The following PCSK5 variants were observed in gnomAD, a reference collection of about 807,000 sequenced individuals.
PCSK5 encodes proprotein convertase subtilisin/kexin type 5, also known as prohormone convertase 5.
In PCSK5, 129 loss-of-function variants were observed where a neutral mutation model predicts 233.2. That is an observed-to-expected ratio of 0.55 (90% confidence interval 0.48 to 0.64). The LOEUF is 0.64. PCSK5 is among the 30% of genes least tolerant of loss of function. PCSK5 has a pLI of 0.00. For synonymous variants in PCSK5, 825 were observed against 879.2 expected (o/e 0.94, Z 1.09); for missense variants, 2,076 against 2,430.1 (o/e 0.85, Z 3.06).
At chr9:76,192,665 T>TTAAAC (rs1456004461) in intron 20 of PCSK5, among the ~76,000 whole-genome samples, 6 of 152,078 alleles carry the variant, frequency 3.9e-5, no homozygotes, top group African/African-American at 1.4e-4. Flanking sequence ...GGTTTGAAAA[T>TTAAAC]TAAACTATTG....
At chr9:76,022,062 C>T (rs756018847) in intron 3 of PCSK5, among the ~76,000 whole-genome samples, 2 of 152,174 alleles carry the variant, frequency 1.3e-5, no homozygotes, top group Admixed American at 6.5e-5. Context: ...TCACATTTCA[C>T]GTTTGCAGAG....
At chr9:76,224,681 T>G (rs2131305590) in intron 20 of PCSK5, among the ~76,000 whole-genome samples, 1 of 152,230 alleles carries the variant, frequency 6.6e-6, no homozygotes, top group East Asian at 1.9e-4. Context: ...GGGGTAATCT[T>G]TTGGGGTCAT....
chr9:76,064,644 A>C (rs1427535140), intron 5 of PCSK5, among the ~76,000 whole-genome samples: 1 of 144,878 alleles, frequency 6.9e-6, no homozygotes, highest in Non-Finnish European at 1.5e-5. Context: ...GGGGCTCCTC[A>C]CTTCTCAGAC....
At chr9:76,084,062 T>A (rs1356653673) in intron 7 of PCSK5, among the ~76,000 whole-genome samples, 2 of 152,232 alleles carry the variant, frequency 1.3e-5, no homozygotes, top group Non-Finnish European at 2.9e-5. Flanking sequence ...AAATTGACTT[T>A]AACTGGGATT....
At chr9:76,049,949 A>G (rs1829565327) in intron 5 of PCSK5, among the ~76,000 whole-genome samples, 1 of 152,188 alleles carries the variant, frequency 6.6e-6, no homozygotes, top group East Asian at 1.9e-4. Flanking sequence ...GATCCATTAA[A>G]TATATTTATT....
chr9:76,141,187 G>A (rs1294624983), intron 10 of PCSK5, among the ~76,000 whole-genome samples: 1 of 151,956 alleles, frequency 6.6e-6, no homozygotes, highest in African/African-American at 2.4e-5. Flanking sequence ...ACTTATAACT[G>A]GATTCTGAAT....
intron 30 of PCSK5, 98 bp downstream of exon 30, chr9:76,310,949 T>C: frequency 1.2e-6 from 1 of 805,374 alleles, no homozygotes. Flanking sequence ...TCTTCTCTGC[T>C]CTACGAGCAC....
At chr9:76,119,167 C>T (rs1832541979) in intron 9 of PCSK5, among the ~76,000 whole-genome samples, 1 of 152,122 alleles carries the variant, frequency 6.6e-6, no homozygotes, top group Non-Finnish European at 1.5e-5. Flanking sequence ...TTCAAAGTCA[C>T]TCGAAAAGAT....
chr9:76,029,573 A>T (rs990136250), intron 5 of PCSK5, among the ~76,000 whole-genome samples: 1 of 152,136 alleles, frequency 6.6e-6, no homozygotes, highest in Non-Finnish European at 1.5e-5. Context: ...TTTTTTACGT[A>T]GGCTTTTTAA....
intron 1 of PCSK5, among the ~76,000 whole-genome samples, chr9:75,925,243 A>T (rs186845436): frequency 3.0e-4 from 46 of 152,280 alleles, no homozygotes; most frequent in Admixed American, 9.8e-4. Context: ...TTCATTCCCC[A>T]TGTATTTACT....
chr9:75,994,396 CTTTCTTTTTTTTTTTTTTTTTTTTTTTTT>C (rs1223306333), intron 3 of PCSK5, among the ~76,000 whole-genome samples: 23 of 68,332 alleles, frequency 3.4e-4, no homozygotes, highest in African/African-American at 1.0e-3. Context: ...TTCTTTCTTT[CTTTCTTTTTTTTTTTTTTTTTTTTTTTTT>C]TTTTTTTTTT....
intron 13 of PCSK5, among the ~76,000 whole-genome samples, chr9:76,173,495 C>CTTTTTTTTTTTTTTTTTTTTTTTTTTTT (rs1587715951): frequency 1.2e-4 from 4 of 34,580 alleles, no homozygotes; most frequent in Non-Finnish European, 1.2e-4. Context: ...AGGCACGTTT[C>CTTTTTTTTTTTTTTTTTTTTTTTTTTTT]CTTTTTTTTT....
chr9:76,097,474 G>T (rs1831585501), intron 8 of PCSK5, among the ~76,000 whole-genome samples: 1 of 152,258 alleles, frequency 6.6e-6, no homozygotes, highest in South Asian at 2.1e-4. Flanking sequence ...CTTATAGACA[G>T]CACAAAGTCT....
At chr9:75,951,743 A>G (rs1824867665) in intron 2 of PCSK5, among the ~76,000 whole-genome samples, 2 of 152,068 alleles carry the variant, frequency 1.3e-5, no homozygotes, top group Non-Finnish European at 2.9e-5. Context: ...CAATAAAATA[A>G]TAATAAAATA....
intron 32 of PCSK5, among the ~76,000 whole-genome samples, chr9:76,325,306 C>T (rs1209425912): frequency 6.6e-6 from 1 of 152,146 alleles, no homozygotes; most frequent in East Asian, 1.9e-4. Flanking sequence ...AAGTAATTTA[C>T]CATACAGAGA....
chr9:76,226,322 T>A (rs543942727), intron 20 of PCSK5, among the ~76,000 whole-genome samples: 3 of 152,314 alleles, frequency 2.0e-5, no homozygotes, highest in Non-Finnish European at 2.9e-5. Flanking sequence ...TTTACATATA[T>A]AAGATTTACT....
intron 16 of PCSK5, among the ~76,000 whole-genome samples, chr9:76,183,314 CTCTT>C (rs1823957166): frequency 6.6e-6 from 1 of 152,050 alleles, no homozygotes; most frequent in South Asian, 2.1e-4. Context: ...GTATATCTCT[CTCTT>C]TCTATGTAAT....
At chr9:75,910,129 C>G (rs904991933) in intron 1 of PCSK5, among the ~76,000 whole-genome samples, 2 of 152,218 alleles carry the variant, frequency 1.3e-5, no homozygotes. Flanking sequence ...GATCAGTTCA[C>G]TCTAGTGGAA....
rs192891039 is a variant in PCSK5, at chr9:76,328,885, T to G, written c.4570+646T>G. ...GTGCAGTGGTATGATCTCGGCTCAC[T>G]GCAACCTCTGACTCCTGGGTTCAAG... is the stretch of plus-strand genomic sequence containing the variant. On this transcript the variant is annotated intron_variant, in intron 33 of 37. Transcript: ENST00000674117. Among the ~76,000 whole-genome samples the G allele has an allele frequency of 1.2e-4, 18 of 151,930 alleles. No individual in the cohort carries two copies. In the East Asian group the frequency reaches 3.5e-3, roughly 29 times the overall value.
Sources: allele counts gnomAD v4.1 joint callset (sites outside exome capture counted in the v4.1 genomes callset), GRCh38; gene constraint gnomAD v4.1.1; transcripts MANE v1.5; gene names NCBI Gene and HGNC (gene_info 2026-07-23, HGNC 2026-07-21).